The following SLC38A1 variants were observed in gnomAD, a reference collection of about 807,000 sequenced individuals.
SLC38A1 encodes the protein sodium-coupled neutral amino acid symporter 1.
In SLC38A1, 18 loss-of-function variants were observed where a neutral mutation model predicts 60.3. That is an observed-to-expected ratio of 0.30 (90% CI 0.21 to 0.44). The LOEUF (loss-of-function observed/expected upper bound fraction) is 0.44. Among genes scored for constraint, SLC38A1 ranks in the 20% least tolerant of loss-of-function variants. The pLI is 1.00. For synonymous variants in SLC38A1, 196 were observed against 212.1 expected, an observed-to-expected ratio of 0.92 and a Z score of 0.66; for missense variants, 448 against 587.2, an observed-to-expected ratio of 0.76 and a Z score of 2.45.
intron 5 of SLC38A1, among the ~76,000 whole-genome samples, chr12:46,217,263 G>A (rs1404361633): frequency 6.6e-6 from 1 of 152,092 alleles, no homozygotes; most frequent in Non-Finnish European, 1.5e-5. Context: ...TCAAACCCTG[G>A]TAGTATGACT....
intron 5 of SLC38A1, among the ~76,000 whole-genome samples, chr12:46,221,190 T>C (rs1361604550): frequency 7.9e-5 from 12 of 152,042 alleles, no homozygotes; most frequent in Admixed American, 7.2e-4. Context: ...AAGGAGAATA[T>C]TGAGAGACAG....
chr12:46,187,336 G>A lies in SLC38A1; in HGVS notation c.*1634C>T, dbSNP rs1383108036. 6.6e-6 allele frequency: 1 copy of A among 152,198 alleles called. No homozygotes were observed. Among genetic ancestry groups the A allele is most frequent in the Non-Finnish European group, 1.5e-5 (1 of 68,038 alleles). 9.4% of individuals were successfully genotyped at this position (152,198 alleles called of 1,614,324 possible). ...CTACTTGTCTCTGGATAAGAAATCT[G>A]TGCTCAGTGAACTTATGTGTTTGGA... On this transcript the variant is annotated 3_prime_UTR_variant, in exon 17 of 17. Transcript: ENST00000398637.
chr12:46,244,170 G>A (rs1161586953), intron 1 of SLC38A1, among the ~76,000 whole-genome samples: 2 of 152,204 alleles, frequency 1.3e-5, no homozygotes, highest in Non-Finnish European at 2.9e-5. Context: ...AGCAAGGAAG[G>A]AAAGAAGAAA....
chr12:46,208,161 T>C (rs1939992666), intron 6 of SLC38A1, among the ~76,000 whole-genome samples: 2 of 152,196 alleles, frequency 1.3e-5, no homozygotes, highest in South Asian at 2.1e-4. Flanking sequence ...ATTCATAAAA[T>C]GTAGTTCAAA....
chr12:46,265,220 AG>A (rs1199103951), intron 1 of SLC38A1, among the ~76,000 whole-genome samples: 1 of 152,266 alleles, frequency 6.6e-6, no homozygotes, highest in African/African-American at 2.4e-5. Flanking sequence ...ACTGAGGCTT[AG>A]AGATGCCAAA....
At chr12:46,248,583 G>C (rs192621233) in intron 1 of SLC38A1, among the ~76,000 whole-genome samples, 78 of 152,188 alleles carry the variant, frequency 5.1e-4, no homozygotes, top group Non-Finnish European at 8.2e-4. Flanking sequence ...ATAATAATGG[G>C]AGGCTTTAAC....
In SLC38A1 at chr12:46,196,086, A is replaced by G. The variant is rs766442054; in HGVS notation, c.1362+1634T>C. The stretch of plus-strand genomic sequence containing the variant: ...GCTGTTCCTATTTGGCTATCTTGGA[A>G]GCAACCTCAGGTATTTCTTTATTAG... On this transcript the variant is annotated intron_variant, in intron 16 of 16. Transcript: ENST00000398637. The G allele has an allele frequency of 1.0e-4, 157 of 1,503,764 alleles. No homozygotes were observed. The African/African-American group carries it at 1.9e-3, about 18-fold the overall frequency. The allele number at this position is 1,503,764 out of a possible 1,614,324, so 93.2% of individuals were successfully genotyped here. A position where few individuals can be genotyped will look rare whatever the true frequency, so the allele number is the denominator to read the frequency against.
At chr12:46,242,772 A>C (rs1389608673) in intron 2 of SLC38A1, among the ~76,000 whole-genome samples, 1 of 152,202 alleles carries the variant, frequency 6.6e-6, no homozygotes. Flanking sequence ...ACTGTGCTCC[A>C]ACCTGGGCAA....
At chr12:46,193,097 C>CAGAGCTGAG (rs1939215068) in intron 16 of SLC38A1, among the ~76,000 whole-genome samples, 1 of 152,220 alleles carries the variant, frequency 6.6e-6, no homozygotes, top group African/African-American at 2.4e-5. Context: ...GTACACACTG[C>CAGAGCTGAG]TTTAAATGTG....
chr12:46,256,634 C>CAGAGAGAGAG (rs538542582), intron 1 of SLC38A1, among the ~76,000 whole-genome samples: 97 of 50,938 alleles, frequency 1.9e-3, no homozygotes, highest in East Asian at 3.4e-3. Context: ...CACACACACA[C>CAGAGAGAGAG]ACAGAGAGAG....
intron 13 of SLC38A1, among the ~76,000 whole-genome samples, chr12:46,199,308 TG>T (rs1939536214): frequency 8.9e-3 from 5 of 560 alleles, no homozygotes; most frequent in Non-Finnish European, 0.015. Flanking sequence ...TGTACTACTT[TG>T]TGTGTGTGTG....
At chr12:46,256,289 GT>G (rs2138846036) in intron 1 of SLC38A1, among the ~76,000 whole-genome samples, 1 of 151,510 alleles carries the variant, frequency 6.6e-6, no homozygotes, top group South Asian at 2.1e-4. Context: ...CTTTAAAACT[GT>G]TTTTATTTCC....
At chr12:46,224,348 T>C (rs775808920) in intron 5 of SLC38A1, among the ~76,000 whole-genome samples, 2 of 152,092 alleles carry the variant, frequency 1.3e-5, no homozygotes, top group Non-Finnish European at 2.9e-5. Flanking sequence ...TCCAGCACCA[T>C]TCTTACAACA....
rs114967986 is a variant in SLC38A1 at position 46,224,172 on chromosome 12, G to A, written c.314+4981C>T. ...TTGGGTCCTCACTCCCAGGAAAACA[G>A]CTCAACAAGTACTCTTTACCCTGAG... On this transcript the variant is annotated intron_variant, in intron 5 of 16. Transcript: ENST00000398637. Among the ~76,000 whole-genome samples, 692 of 152,234 alleles carry A rather than the reference G, an allele frequency of 4.5e-3. 8 individuals are homozygous for A. The highest frequency in any genetic ancestry group is 0.016 in the African/African-American group (663 of 41,550).
chr12:46,229,010 A>G (rs1940968837), intron 5 of SLC38A1, 143 bp downstream of exon 5: 1 of 490,548 alleles, frequency 2.0e-6, no homozygotes, highest in African/African-American at 2.0e-5. Flanking sequence ...CACTCAAGCA[A>G]TAAATATCAA....
chr12:46,244,541 A>G (rs1941551237), intron 1 of SLC38A1, among the ~76,000 whole-genome samples: 1 of 152,224 alleles, frequency 6.6e-6, no homozygotes, highest in African/African-American at 2.4e-5. Context: ...CCATTCTAGC[A>G]GGTGCTGCAG....
chr12:46,200,053 A>G (rs1447085428), intron 13 of SLC38A1, among the ~76,000 whole-genome samples: 2 of 152,208 alleles, frequency 1.3e-5, no homozygotes, highest in Non-Finnish European at 2.9e-5. Context: ...TCTACAAAGA[A>G]AAATTATAGC....
intron 5 of SLC38A1, among the ~76,000 whole-genome samples, chr12:46,211,152 A>G (rs528658168): frequency 4.6e-5 from 7 of 152,336 alleles, no homozygotes; most frequent in Non-Finnish European, 7.4e-5. Flanking sequence ...GAGGGACACA[A>G]TGCTAAGTAG....
intron 5 of SLC38A1, among the ~76,000 whole-genome samples, chr12:46,222,173 G>T (rs1592108492): frequency 6.6e-6 from 1 of 151,922 alleles, no homozygotes; most frequent in South Asian, 2.1e-4. Flanking sequence ...TTTTTAGCAG[G>T]TAAGAGGAAA....
Sources: gnomAD v4.1 joint callset for allele counts (sites outside exome capture counted in the v4.1 genomes callset) on GRCh38, gnomAD v4.1.1 for gene constraint, MANE v1.5 for transcripts, NCBI Gene and HGNC (gene_info 2026-07-23, HGNC 2026-07-21) for gene names.